SPOCK1: variants seen among roughly 807,000 people sequenced by gnomAD.
SPOCK1 encodes the protein SPARC (osteonectin), cwcv and kazal like domains proteoglycan 1.
SPOCK1 carries 23 observed loss-of-function variants against 55.3 expected under a neutral mutation model. The observed-to-expected ratio is 0.42, with a 90% CI of 0.30 to 0.59. The LOEUF (loss-of-function observed/expected upper bound fraction) is 0.59, where lower values mean the gene tolerates loss of function less well. Among genes scored for constraint, SPOCK1 ranks in the 20% least tolerant of loss-of-function variants. The pLI, the probability that SPOCK1 is intolerant of heterozygous loss-of-function variation, is 0.22. For synonymous variants in SPOCK1, 226 were observed against 221.0 expected, an observed-to-expected ratio of 1.02 and a Z score of -0.20; for missense variants, 499 against 552.5, an observed-to-expected ratio of 0.90 and a Z score of 0.97.
At chr5:137,123,769 G>A (rs1050708757) in intron 4 of SPOCK1, among the ~76,000 whole-genome samples, 1 of 152,090 alleles carries the variant, frequency 6.6e-6, no homozygotes, top group Non-Finnish European at 1.5e-5. Context: ...GGAAGGGGAT[G>A]TTTCCATTTA....
chr5:137,100,035 T>C (rs1036838320), intron 5 of SPOCK1, among the ~76,000 whole-genome samples: 1 of 152,184 alleles, frequency 6.6e-6, no homozygotes, highest in African/African-American at 2.4e-5. Flanking sequence ...GAGTTCGGTA[T>C]CAGAGAGTTT....
chr5:137,128,854 G>A (rs1056029280), intron 4 of SPOCK1, among the ~76,000 whole-genome samples: 21 of 152,094 alleles, frequency 1.4e-4, no homozygotes, highest in African/African-American at 4.8e-4. Flanking sequence ...TATTTCATGG[G>A]ATTTTCTATC....
intron 2 of SPOCK1, among the ~76,000 whole-genome samples, chr5:137,275,721 A>G (rs1057141217): frequency 6.6e-6 from 1 of 152,074 alleles, no homozygotes; most frequent in Non-Finnish European, 1.5e-5. Flanking sequence ...TCCACCTACC[A>G]CTTTCAGGGT....
At position 137,052,935 on chromosome 5, in the gene SPOCK1, A is replaced by G. The variant is rs945049173; in HGVS notation, c.589+14780T>C. Among the ~76,000 whole-genome samples the G allele has an allele frequency of 3.3e-5, 5 of 151,890 alleles. No homozygotes were observed. In the East Asian group the frequency reaches 7.8e-4, roughly 24 times the overall value. ...GCCTATGTCTCCTGTCTTCCATCACATAACTGTCTTCTCCAGTTAGGTGGT... is the reference window on the plus strand; with the variant it reads ...GCCTATGTCTCCTGTCTTCCATCACGTAACTGTCTTCTCCAGTTAGGTGGT... On this transcript the variant is annotated intron_variant, in intron 6 of 10. Coordinates refer to ENST00000394945, the MANE Select transcript of SPOCK1 (RefSeq NM_004598.4).
intron 10 of SPOCK1, 73 bp from the exon 11 acceptor site, chr5:136,978,917 C>T: frequency 2.0e-6 from 3 of 1,475,592 alleles, no homozygotes; most frequent in South Asian, 2.7e-5. Flanking sequence ...GTTCCTTTGC[C>T]TGAATTGTAG....
At chr5:137,319,480 T>C (rs187776702) in intron 2 of SPOCK1, among the ~76,000 whole-genome samples, 117 of 152,338 alleles carry the variant, frequency 7.7e-4, no homozygotes, top group African/African-American at 2.7e-3. Flanking sequence ...TACTTGTAAA[T>C]GGTTTCTTGG....
chr5:137,043,525 C>G (rs1393118317), intron 6 of SPOCK1, among the ~76,000 whole-genome samples: 1 of 152,136 alleles, frequency 6.6e-6, no homozygotes, highest in Non-Finnish European at 1.5e-5. Flanking sequence ...GCCTGACAAA[C>G]ACTACCTCAG....
intron 5 of SPOCK1, among the ~76,000 whole-genome samples, chr5:137,079,045 C>T (rs1436920961): frequency 6.6e-6 from 1 of 152,220 alleles, no homozygotes; most frequent in Non-Finnish European, 1.5e-5. Context: ...CCCCCTCGGT[C>T]TCCTCGGCCA....
intron 3 of SPOCK1, among the ~76,000 whole-genome samples, chr5:137,171,515 G>A (rs947723715): frequency 6.6e-6 from 1 of 152,134 alleles, no homozygotes; most frequent in Admixed American, 6.6e-5. Flanking sequence ...TGGTATTGTG[G>A]GCTCTGTAAA....
intron 3 of SPOCK1, 83 bp downstream of exon 3, chr5:137,266,927 G>A (rs1756866532): frequency 8.1e-7 from 1 of 1,241,436 alleles, no homozygotes; most frequent in Non-Finnish European, 1.2e-6. Flanking sequence ...GCCCTTGTGG[G>A]AACATTAACT....
intron 1 of SPOCK1, 22 bp from the exon 2 acceptor site, chr5:137,498,580 G>A: frequency 7.1e-7 from 1 of 1,413,494 alleles, no homozygotes; most frequent in Non-Finnish European, 9.2e-7. Flanking sequence ...GGCGCGCAGG[G>A]CGATGAGCGA....
chr5:137,290,280 T>C (rs1757348851), intron 2 of SPOCK1, among the ~76,000 whole-genome samples: 1 of 152,164 alleles, frequency 6.6e-6, no homozygotes, highest in Non-Finnish European at 1.5e-5. Flanking sequence ...AAAATTGCTA[T>C]GCATTACCAG....
At chr5:137,175,530 G>A (rs1234875379) in intron 3 of SPOCK1, among the ~76,000 whole-genome samples, 1 of 152,202 alleles carries the variant, frequency 6.6e-6, no homozygotes, top group Non-Finnish European at 1.5e-5. Context: ...GTTCTATTAA[G>A]TGTTATTGTC....
At chr5:137,175,592 C>T (rs1403881268) in intron 3 of SPOCK1, among the ~76,000 whole-genome samples, 1 of 152,200 alleles carries the variant, frequency 6.6e-6, no homozygotes, top group Non-Finnish European at 1.5e-5. Flanking sequence ...CTAATCCCAG[C>T]TTTACCATTT....
At chr5:137,084,095 T>A (rs1416968595) in intron 5 of SPOCK1, among the ~76,000 whole-genome samples, 1 of 152,166 alleles carries the variant, frequency 6.6e-6, no homozygotes. Context: ...TTCAGCTCAG[T>A]GCCCAGTGCA....
chr5:137,149,615 T>C (rs1319858970), intron 3 of SPOCK1, among the ~76,000 whole-genome samples: 3 of 152,232 alleles, frequency 2.0e-5, no homozygotes, highest in Non-Finnish European at 4.4e-5. Flanking sequence ...TTCACTTTAA[T>C]GCAATTAAAA....
rs151283855 is a variant in SPOCK1, at chr5:137,140,614, C to T, written c.313G>A (p.Ala105Thr). 122 of 1,613,836 alleles carry T rather than the reference C, an allele frequency of 7.6e-5. No homozygotes were observed. In the African/African-American group the frequency reaches 8.9e-4, roughly 12 times the overall value. ...AGGTGCTTGCGGCTGACACACAGGG[C>T]GGTCTGGTAGTCCTGGGTCACACAC... ...KVCVTQDYQT[A>T]LCVSRKHLLP... Residue 105 changes from alanine (A) to threonine (T), a missense_variant, in exon 4 of 11, where the codon GCC becomes ACC. This residue lies in a region of SPOCK1 where 386 missense variants were observed against 400.6 expected (regional missense o/e 0.96). Coordinates refer to ENST00000394945, the MANE Select transcript of SPOCK1 (RefSeq NM_004598.4).
chr5:137,459,555 G>A (rs1294037215), intron 2 of SPOCK1, among the ~76,000 whole-genome samples: 1 of 151,028 alleles, frequency 6.6e-6, no homozygotes, highest in African/African-American at 2.4e-5. Context: ...GGAACACCAA[G>A]AAATTTAAGC....
chr5:137,372,865 G>A (rs1191194616), intron 2 of SPOCK1, among the ~76,000 whole-genome samples: 1 of 152,236 alleles, frequency 6.6e-6, no homozygotes, highest in Non-Finnish European at 1.5e-5. Context: ...TAAATCTTCA[G>A]TTCTTCCTCC....
Sources: allele counts gnomAD v4.1 joint callset (sites outside exome capture counted in the v4.1 genomes callset), GRCh38; gene constraint gnomAD v4.1.1; regional missense constraint gnomAD v4.1.1; transcripts MANE v1.5; gene names NCBI Gene and HGNC (gene_info 2026-07-23, HGNC 2026-07-21).